Variants in PRKACB observed in about 807,000 individuals in gnomAD.
PRKACB encodes the protein protein kinase cAMP-activated catalytic subunit beta, also known as cAMP-dependent protein kinase catalytic subunit beta.
A neutral mutation model predicts 51.4 loss-of-function variants in PRKACB; 16 were observed. That is an observed-to-expected ratio of 0.31 (90% CI 0.21 to 0.47). The LOEUF (loss-of-function observed/expected upper bound fraction) is 0.47, where lower values mean the gene tolerates loss of function less well. PRKACB is among the 20% of genes least tolerant of loss of function. The probability of loss-of-function intolerance (pLI) is 1.00; values close to 1 mark genes in which losing one functional copy is unlikely to be tolerated. For synonymous variants in PRKACB, 147 were observed against 154.4 expected, an observed-to-expected ratio of 0.95 and a Z score of 0.35; for missense variants, 309 against 464.5, an observed-to-expected ratio of 0.67 and a Z score of 3.08.
At chr1:84,227,212 G>A (rs1674759897) in intron 9 of PRKACB, among the ~76,000 whole-genome samples, 1 of 151,994 alleles carries the variant, frequency 6.6e-6, no homozygotes, top group African/African-American at 2.4e-5. Context: ...TAGGAACATA[G>A]AGTCATCTTA....
chr1:84,128,548 G>A (rs1233828907), intron 1 of PRKACB, among the ~76,000 whole-genome samples: 1 of 152,102 alleles, frequency 6.6e-6, no homozygotes, highest in Non-Finnish European at 1.5e-5. Flanking sequence ...GAAAAAATAT[G>A]ATATTGAAGT....
chr1:84,144,678 G>A (rs1489795088), intron 1 of PRKACB, 130 bp downstream of exon 1: 2 of 951,636 alleles, frequency 2.1e-6, no homozygotes, highest in Non-Finnish European at 3.0e-6. Flanking sequence ...TTTGCAAGAT[G>A]AAGTTGAAAG....
intron 1 of PRKACB, among the ~76,000 whole-genome samples, chr1:84,176,283 TTA>T (rs1661231628): frequency 6.6e-6 from 1 of 151,882 alleles, no homozygotes; most frequent in South Asian, 2.1e-4. Flanking sequence ...ACATCTTATT[TTA>T]TTAATTATCT....
intron 7 of PRKACB, among the ~76,000 whole-genome samples, chr1:84,198,090 T>C (rs1417623122): frequency 2.6e-5 from 4 of 152,118 alleles, no homozygotes; most frequent in Non-Finnish European, 5.9e-5. Context: ...ACCAAAAACA[T>C]AGTCTTTTCT....
At chr1:84,143,545 C>G (rs1653649224), upstream of PRKACB, among the ~76,000 whole-genome samples, 3 of 152,132 alleles carry the variant, frequency 2.0e-5, no homozygotes, top group Admixed American at 6.6e-5. Context: ...ATTAACATGT[C>G]TCAGCCAACT....
At chr1:84,191,541 G>A (rs904875245) in intron 5 of PRKACB, among the ~76,000 whole-genome samples, 5 of 152,126 alleles carry the variant, frequency 3.3e-5, no homozygotes, top group Admixed American at 2.6e-4. Flanking sequence ...CATAGAAGCT[G>A]CTGGAGGTCA....
At chr1:84,230,877 A>G (rs1191608371) in intron 9 of PRKACB, among the ~76,000 whole-genome samples, 1 of 143,636 alleles carries the variant, frequency 7.0e-6, no homozygotes, top group Non-Finnish European at 1.5e-5. Context: ...GTCTGCAAAC[A>G]GGGACAATTT....
At chr1:84,143,325 G>A (rs1023895241), upstream of PRKACB, among the ~76,000 whole-genome samples, 1 of 152,136 alleles carries the variant, frequency 6.6e-6, no homozygotes, top group African/African-American at 2.4e-5. Flanking sequence ...GGTGGTGCGC[G>A]CCTATAATCC....
intron 7 of PRKACB, 98 bp from the exon 8 acceptor site, chr1:84,202,585 A>AT: frequency 7.5e-7 from 1 of 1,327,054 alleles, no homozygotes; most frequent in Non-Finnish European, 1.0e-6. Flanking sequence ...CTTTAAAAAA[A>AT]TTTTTATATG....
At chr1:84,120,668 CTAAA>C (rs1159440446) in intron 1 of PRKACB, among the ~76,000 whole-genome samples, 3 of 151,840 alleles carry the variant, frequency 2.0e-5, no homozygotes, top group Non-Finnish European at 4.4e-5. Flanking sequence ...AAAGTTATGT[CTAAA>C]TAAATCAAAA....
intron 1 of PRKACB, among the ~76,000 whole-genome samples, chr1:84,162,525 T>C (rs2100705552): frequency 6.6e-6 from 1 of 152,196 alleles, no homozygotes; most frequent in East Asian, 1.9e-4. Context: ...TGATCTATCT[T>C]CCAGTTCACT....
At chr1:84,189,535 T>C (rs944616108) in intron 5 of PRKACB, among the ~76,000 whole-genome samples, 1 of 150,704 alleles carries the variant, frequency 6.6e-6, no homozygotes, top group African/African-American at 2.4e-5. Context: ...CAAAAAGATA[T>C]ACCTTTCAAG....
chr1:84,216,582 TAAA>T (rs977295639), intron 9 of PRKACB, among the ~76,000 whole-genome samples: 1 of 152,100 alleles, frequency 6.6e-6, no homozygotes, highest in Non-Finnish European at 1.5e-5. Context: ...TTAGATCTCA[TAAA>T]AAACTTTATT....
intron 1 of PRKACB, among the ~76,000 whole-genome samples, chr1:84,115,493 T>TA (rs1215795007): frequency 1.4e-4 from 22 of 152,086 alleles, no homozygotes; most frequent in African/African-American, 5.3e-4. Context: ...CCCTGTTGAT[T>TA]ATTTTTTTTT....
chr1:84,174,896 ACAAT>A (rs1660715308), intron 1 of PRKACB: 1 of 788,190 alleles, frequency 1.3e-6, no homozygotes, highest in Non-Finnish European at 1.8e-6. Context: ...TTGAATACAT[ACAAT>A]CAAATAATTG....
intron 1 of PRKACB, among the ~76,000 whole-genome samples, chr1:84,154,147 C>T (rs115083203): frequency 2.4e-3 from 359 of 152,150 alleles, no homozygotes; most frequent in African/African-American, 8.1e-3. Flanking sequence ...TTCATATACC[C>T]ATTGACCATT....
chr1:84,214,534 C>G (rs560672151), intron 9 of PRKACB, among the ~76,000 whole-genome samples: 29 of 141,842 alleles, frequency 2.0e-4, no homozygotes, highest in Middle Eastern at 4.3e-3. Flanking sequence ...ACTCTGTAGT[C>G]CACGCTGGAG....
At position 84,185,303 on chromosome 1, in the gene PRKACB, A is replaced by G; in HGVS notation, c.560+121A>G. The G allele has an allele frequency of 6.4e-6, 4 of 628,374 alleles. No homozygotes were observed. In the South Asian group the frequency reaches 6.9e-5, roughly 11 times the overall value. 38.9% of individuals were successfully genotyped at this position (628,374 alleles called of 1,614,324 possible). A position where few individuals can be genotyped will look rare whatever the true frequency, so the allele number is the denominator to read the frequency against. On this transcript the variant is annotated intron_variant, in intron 5 of 9. Coordinates refer to ENST00000370685, the MANE Select transcript of PRKACB (RefSeq NM_182948.4). ...GATTAATATTTTGGCCATATGAAGC[A>G]TTAGGTGGAAACAAAGAGGCCACAT...
chr1:84,236,373 G>GTTTTTTT lies in PRKACB; in HGVS notation c.*1069_*1070insTTTTTTT, dbSNP rs1676663284. 1 of 152,520 alleles carries GTTTTTTT rather than the reference G, an allele frequency of 6.6e-6. No individual in the cohort carries two copies. Among genetic ancestry groups the GTTTTTTT allele is most frequent in the South Asian group, 2.1e-4 (1 of 4,830 alleles). 9.4% of individuals were successfully genotyped at this position (152,520 alleles called of 1,614,324 possible). Reference sequence around the variant, plus strand: ...TGAGGGTTTACATTTGTTTTGTTTTGTAACCGTTAAAAAGAAGTTGTTTCC... The same window carrying GTTTTTTT: ...TGAGGGTTTACATTTGTTTTGTTTTGTTTTTTTTAACCGTTAAAAAGAAGTTGTTTCC... On this transcript the variant is annotated 3_prime_UTR_variant, in exon 10 of 10. Transcript: ENST00000370685.
Sources: gnomAD v4.1 joint callset for allele counts (sites outside exome capture counted in the v4.1 genomes callset) on GRCh38, gnomAD v4.1.1 for gene constraint, MANE v1.5 for transcripts, NCBI Gene and HGNC (gene_info 2026-07-23, HGNC 2026-07-21) for gene names.